The following CTNNA2 variants were observed in gnomAD, a reference collection of about 807,000 sequenced individuals.
CTNNA2 encodes catenin alpha 2.
In CTNNA2, 42 loss-of-function variants were observed where a neutral mutation model predicts 101.0. The observed-to-expected ratio is 0.42, with a 90% CI of 0.32 to 0.54. The LOEUF (loss-of-function observed/expected upper bound fraction) is 0.54, where lower values mean the gene tolerates loss of function less well. Ranked by LOEUF, CTNNA2 falls within the 20% of genes least tolerant of loss-of-function variation. The pLI, the probability that CTNNA2 is intolerant of heterozygous loss-of-function variation, is 0.14. For synonymous variants in CTNNA2, 450 were observed against 456.4 expected (o/e 0.99, Z 0.18); for missense variants, 871 against 1,223.1 (o/e 0.71, Z 4.29).
At chr2:80,404,298 T>A (rs1678851083) in intron 8 of CTNNA2, among the ~76,000 whole-genome samples, 1 of 152,176 alleles carries the variant, frequency 6.6e-6, no homozygotes, top group Non-Finnish European at 1.5e-5. Context: ...TTGTTCTTTT[T>A]TAGTCTAGCT....
chr2:80,539,544 G>A (rs1691360624), intron 9 of CTNNA2, among the ~76,000 whole-genome samples: 1 of 152,056 alleles, frequency 6.6e-6, no homozygotes, highest in Admixed American at 6.6e-5. Context: ...TAGCAGCACT[G>A]GTCTCTTCTT....
intron 7 of CTNNA2, among the ~76,000 whole-genome samples, chr2:80,382,510 G>A (rs907567252): frequency 3.3e-5 from 5 of 152,162 alleles, no homozygotes; most frequent in Admixed American, 3.3e-4. Flanking sequence ...GGTGAGAATT[G>A]TTCATAAAGA....
chr2:80,061,288 A>G (rs1697582771), intron 7 of CTNNA2, among the ~76,000 whole-genome samples: 2 of 152,220 alleles, frequency 1.3e-5, no homozygotes, highest in Admixed American at 6.5e-5. Context: ...TATGTTCCTG[A>G]TTATATAAGA....
intron 9 of CTNNA2, among the ~76,000 whole-genome samples, chr2:80,453,200 C>T (rs1214142810): frequency 1.3e-5 from 2 of 152,100 alleles, no homozygotes; most frequent in African/African-American, 4.8e-5. Flanking sequence ...AACACACCGT[C>T]ATCTAGCTTT....
chr2:80,558,682 T>TC (rs764983444), intron 12 of CTNNA2, among the ~76,000 whole-genome samples: 3 of 152,100 alleles, frequency 2.0e-5, no homozygotes, highest in Non-Finnish European at 2.9e-5. Flanking sequence ...TCTATGTGAA[T>TC]CTATCAAATT....
At chr2:80,301,782 C>G (rs1346089658) in intron 7 of CTNNA2, 2 of 150,558 alleles carry the variant, frequency 1.3e-5, no homozygotes, top group African/African-American at 2.6e-5. Flanking sequence ...CCTTCTGGCC[C>G]CTGGACAACT....
At chr2:80,555,656 G>A (rs781689060) in intron 11 of CTNNA2, 37 bp from the exon 12 acceptor site, 2 of 1,295,024 alleles carry the variant, frequency 1.5e-6, no homozygotes, top group African/African-American at 1.5e-5. Context: ...TCTGAGTTAT[G>A]TAAAGTCATC....
At chr2:79,252,313 G>A (rs187043235) in intron 2 of CTNNA2, among the ~76,000 whole-genome samples, 14 of 150,936 alleles carry the variant, frequency 9.3e-5, no homozygotes, top group Admixed American at 2.0e-4. Flanking sequence ...TCATACAGTA[G>A]GTATAGTTTC....
intron 2 of CTNNA2, among the ~76,000 whole-genome samples, chr2:79,297,219 T>C (rs758389645): frequency 3.9e-5 from 6 of 152,094 alleles, no homozygotes; most frequent in Non-Finnish European, 7.4e-5. Flanking sequence ...CAACAACCTG[T>C]CCTCAGCTGA....
chr2:80,026,588 A>C (rs1308408516), intron 7 of CTNNA2, among the ~76,000 whole-genome samples: 1 of 152,164 alleles, frequency 6.6e-6, no homozygotes, highest in Non-Finnish European at 1.5e-5. Flanking sequence ...GTCATTTTTT[A>C]AATTACAGAG....
intron 3 of CTNNA2, among the ~76,000 whole-genome samples, chr2:79,351,363 T>C (rs1677382907): frequency 6.6e-6 from 1 of 152,198 alleles, no homozygotes; most frequent in Admixed American, 6.5e-5. Flanking sequence ...CTCCTGCCTG[T>C]AGCTAGCCAA....
At chr2:80,006,359 T>TAAAA (rs5832428) in intron 7 of CTNNA2, among the ~76,000 whole-genome samples, 1 of 139,050 alleles carries the variant, frequency 7.2e-6, no homozygotes, top group African/African-American at 2.7e-5. Flanking sequence ...AGAAGTGCAG[T>TAAAA]AAAAAAAAAA....
chr2:79,491,407 C>T (rs1395572231), intron 4 of CTNNA2, among the ~76,000 whole-genome samples: 1 of 152,112 alleles, frequency 6.6e-6, no homozygotes, highest in Non-Finnish European at 1.5e-5. Flanking sequence ...GAGAACACAG[C>T]TTCAAACACC....
chr2:79,492,512 G>A (rs1671215340), intron 4 of CTNNA2, among the ~76,000 whole-genome samples: 1 of 151,958 alleles, frequency 6.6e-6, no homozygotes, highest in South Asian at 2.1e-4. Context: ...TTCATATTAT[G>A]TACAAGCTGA....
At chr2:79,404,046 T>C (rs536205801) in intron 4 of CTNNA2, among the ~76,000 whole-genome samples, 1 of 152,126 alleles carries the variant, frequency 6.6e-6, no homozygotes, top group East Asian at 1.9e-4. Context: ...ACTAGAATTC[T>C]TGCTCTTTCC....
At chr2:79,221,155 T>G (rs34131707) in intron 2 of CTNNA2, among the ~76,000 whole-genome samples, 64,738 of 151,916 alleles carry the variant, frequency 0.43, 14,989 homozygotes, top group Non-Finnish European at 0.52. Flanking sequence ...GTTTTGTTTT[T>G]GTTGTTGTTT....
intron 4 of CTNNA2, among the ~76,000 whole-genome samples, chr2:79,404,146 A>G (rs1322916386): frequency 2.4e-4 from 36 of 151,658 alleles, no homozygotes; most frequent in Admixed American, 4.6e-4. Flanking sequence ...ATAAATGTAA[A>G]AAAAAAAAAG....
chr2:80,361,313 C>G (rs776781255), intron 7 of CTNNA2, among the ~76,000 whole-genome samples: 8 of 152,046 alleles, frequency 5.3e-5, no homozygotes, highest in Non-Finnish European at 8.8e-5. Context: ...TAAACAACAA[C>G]CATAACTTTA....
intron 4 of CTNNA2, among the ~76,000 whole-genome samples, chr2:79,465,505 C>T (rs1237927202): frequency 1.3e-5 from 2 of 151,956 alleles, no homozygotes; most frequent in Non-Finnish European, 2.9e-5. Flanking sequence ...GTATTTTTTT[C>T]CAATTCTGTG....
Sources: gnomAD v4.1 joint callset for allele counts (sites outside exome capture counted in the v4.1 genomes callset) on GRCh38, gnomAD v4.1.1 for gene constraint, MANE v1.5 for transcripts, NCBI Gene and HGNC (gene_info 2026-07-23, HGNC 2026-07-21) for gene names.